Variants in ZFYVE27 observed in about 807,000 individuals in gnomAD.
ZFYVE27 encodes the protein zinc finger FYVE-type containing 27.
In ZFYVE27, 36 loss-of-function variants were observed where a neutral mutation model predicts 52.8. That is an observed-to-expected ratio of 0.68 (90% CI 0.52 to 0.90). The LOEUF is 0.90. Ranked by LOEUF, ZFYVE27 falls within the 40% of genes least tolerant of loss-of-function variation. The probability of loss-of-function intolerance (pLI) is 0.00; values close to 1 mark genes in which losing one functional copy is unlikely to be tolerated. For synonymous variants in ZFYVE27, 223 were observed against 215.6 expected (o/e 1.03, Z -0.30); for missense variants, 450 against 527.2 (o/e 0.85, Z 1.43).
rs374246554 is a variant in ZFYVE27, at chr10:97,748,320, C to T, written c.507C>T (p.Ala169=). 93 of 1,614,032 alleles carry T rather than the reference C, an allele frequency of 5.8e-5. No individual in the cohort carries two copies. Among genetic ancestry groups the T allele is most frequent in the East Asian group, 1.1e-4 (5 of 44,890 alleles). ...GCCGCCTGTGCTGCACATGTGAAGC[C>T]GCCTACCGCGTGCTGCACTGGGAGA... ...FLSRLCCTCE[A]AYRVLHWENP... Residue 169 remains alanine, a synonymous_variant, in exon 5 of 13, where the codon GCC becomes GCT. Transcript: ENST00000684270.
chr10:97,745,245 C>T (rs1163710498), intron 4 of ZFYVE27, among the ~76,000 whole-genome samples: 3 of 151,716 alleles, frequency 2.0e-5, no homozygotes, highest in Non-Finnish European at 2.9e-5. Context: ...GACGCAATCT[C>T]GGCTCACTGC....
chr10:97,745,321 A>G (rs961332685), intron 4 of ZFYVE27, among the ~76,000 whole-genome samples: 1 of 152,110 alleles, frequency 6.6e-6, no homozygotes, highest in Non-Finnish European at 1.5e-5. Flanking sequence ...CTGGGACTAC[A>G]GGCACACACC....
At chr10:97,753,613 C>T (rs1401747006) in intron 10 of ZFYVE27, among the ~76,000 whole-genome samples, 3 of 152,170 alleles carry the variant, frequency 2.0e-5, no homozygotes, top group African/African-American at 4.8e-5. Context: ...TCAGTTTCCC[C>T]TTCTGTAAAA....
intron 10 of ZFYVE27, among the ~76,000 whole-genome samples, chr10:97,754,402 TC>T (rs1263235238): frequency 1.3e-5 from 2 of 151,568 alleles, no homozygotes; most frequent in Non-Finnish European, 1.5e-5. Context: ...ATCCTCGACT[TC>T]CTGGGCTCAA....
chr10:97,738,661 C>G lies in ZFYVE27; in HGVS notation c.184C>G (p.Arg62Gly). The change falls in exon 2 of 13, where the codon CGA (arginine) becomes GGA (glycine). Residue 62 changes from arginine (R) to glycine (G), a missense_variant. Coordinates refer to ENST00000684270, the MANE Select transcript of ZFYVE27 (RefSeq NM_001385875.1). ...CTTGAAGGATGCAGGTGATGGTGTT[C>G]GATACTTGCTCAGGTACAGACTTTG... is the stretch of plus-strand genomic sequence containing the variant. ...EPLKDAGDGV[R>G]YLLRWQMPLC... is the part of the protein sequence containing the mutation. 6.2e-7 allele frequency: 1 copy of G among 1,614,174 alleles called. No individual in the cohort carries two copies. The highest frequency in any genetic ancestry group is 1.1e-5 in the South Asian group (1 of 91,074).
chr10:97,745,048 C>A, intron 4 of ZFYVE27, 133 bp downstream of exon 4: 2 of 1,077,396 alleles, frequency 1.9e-6, no homozygotes, highest in Non-Finnish European at 2.7e-6. Context: ...TTTAACAGTT[C>A]CGGGAGGTAG....
intron 5 of ZFYVE27, 24 bp downstream of exon 5, chr10:97,748,388 C>T (rs772474791): frequency 6.2e-7 from 1 of 1,610,162 alleles, no homozygotes; most frequent in Non-Finnish European, 8.5e-7. Context: ...CCTCTCCCGC[C>T]ACCACCCTAT....
At position 97,757,739 on chromosome 10, in the gene ZFYVE27, G is replaced by C; in HGVS notation, c.1171+16G>C. 1 of 1,614,070 alleles carries C rather than the reference G, an allele frequency of 6.2e-7. No individual in the cohort carries two copies. Among genetic ancestry groups the C allele is most frequent in the Non-Finnish European group, 8.5e-7 (1 of 1,179,870 alleles). ...GGGGCCACAGGTGAGTGGTGCAGGT[G>C]GTGGGAGGGCTTGGTTGGTATCCCG... On this transcript the variant is annotated intron_variant, in intron 12 of 12. Coordinates refer to ENST00000684270, the MANE Select transcript of ZFYVE27 (RefSeq NM_001385875.1).
intron 2 of ZFYVE27, among the ~76,000 whole-genome samples, chr10:97,740,275 C>T (rs1391036326): frequency 6.6e-6 from 1 of 152,208 alleles, no homozygotes; most frequent in Non-Finnish European, 1.5e-5. Context: ...TTTTCTTGTT[C>T]ACCTAATTTA....
At chr10:97,740,272 G>T (rs938378428) in intron 2 of ZFYVE27, among the ~76,000 whole-genome samples, 1 of 152,198 alleles carries the variant, frequency 6.6e-6, no homozygotes, top group South Asian at 2.1e-4. Context: ...CATTTTTCTT[G>T]TTCACCTAAT....
intron 1 of ZFYVE27, 52 bp from the exon 2 acceptor site, chr10:97,738,425 G>C (rs2042693502): frequency 1.3e-6 from 2 of 1,594,752 alleles, no homozygotes; most frequent in East Asian, 4.5e-5. Context: ...AGGTAGAATT[G>C]TGTTGAGGAC....
At chr10:97,751,546 A>G in intron 8 of ZFYVE27, 84 bp downstream of exon 8, 1 of 1,387,292 alleles carries the variant, frequency 7.2e-7, no homozygotes, top group Non-Finnish European at 1.0e-6. Flanking sequence ...TTGTTTTTTA[A>G]TGTCCAAGTG....
chr10:97,744,583 G>A, intron 3 of ZFYVE27, 146 bp from the exon 4 acceptor site: 1 of 889,004 alleles, frequency 1.1e-6, no homozygotes, highest in Non-Finnish European at 1.8e-6. Context: ...GAGAGTAGGG[G>A]TGAGACACTG....
chr10:97,757,133 C>T (rs2048557959), intron 10 of ZFYVE27, 132 bp from the exon 11 acceptor site: 1 of 1,277,926 alleles, frequency 7.8e-7, no homozygotes. Flanking sequence ...TCTGGCCTTG[C>T]TCCCTGGCTC....
chr10:97,751,508 T>G (rs749143896), intron 8 of ZFYVE27, 46 bp downstream of exon 8: 1 of 1,592,880 alleles, frequency 6.3e-7, no homozygotes. Context: ...GGCCAGAAAT[T>G]GGGTGGTCCT....
intron 10 of ZFYVE27, 145 bp from the exon 11 acceptor site, chr10:97,757,120 G>T: frequency 9.4e-7 from 1 of 1,061,620 alleles, no homozygotes; most frequent in South Asian, 1.4e-5. Flanking sequence ...TTCTGTCTCT[G>T]AATCTGGCCT....
At chr10:97,746,003 T>G (rs2045232378) in intron 4 of ZFYVE27, among the ~76,000 whole-genome samples, 2 of 148,814 alleles carry the variant, frequency 1.3e-5, no homozygotes, top group African/African-American at 4.9e-5. Flanking sequence ...TTTCTTACTT[T>G]GAAATAGTTT....
intron 10 of ZFYVE27, chr10:97,754,607 G>A: frequency 1.6e-6 from 2 of 1,266,528 alleles, no homozygotes; most frequent in South Asian, 1.3e-5. Flanking sequence ...GAGCCACCAC[G>A]CCCGGCCCCT....
At chr10:97,747,163 C>A (rs2045648939) in intron 4 of ZFYVE27, among the ~76,000 whole-genome samples, 1 of 152,138 alleles carries the variant, frequency 6.6e-6, no homozygotes. Flanking sequence ...TTTGTAGAAT[C>A]TCCCTAATTT....
Sources: gnomAD v4.1 joint callset for allele counts (sites outside exome capture counted in the v4.1 genomes callset) on GRCh38, gnomAD v4.1.1 for gene constraint, MANE v1.5 for transcripts, NCBI Gene and HGNC (gene_info 2026-07-23, HGNC 2026-07-21) for gene names.